The following RNF145 variants were observed in gnomAD, a reference collection of about 807,000 sequenced individuals.
The protein encoded by RNF145 is ring finger protein 145.
A neutral mutation model predicts 57.3 loss-of-function variants in RNF145; 12 were observed. The observed-to-expected ratio is 0.21, with a 90% confidence interval of 0.13 to 0.34. The LOEUF (loss-of-function observed/expected upper bound fraction) is 0.34. RNF145 is among the 10% of genes least tolerant of loss of function. The probability of loss-of-function intolerance (pLI) is 1.00; values close to 1 mark genes in which losing one functional copy is unlikely to be tolerated. For synonymous variants in RNF145, 262 were observed against 288.3 expected, an observed-to-expected ratio of 0.91 and a Z score of 0.92; for missense variants, 429 against 799.0, an observed-to-expected ratio of 0.54 and a Z score of 5.58.
chr5:159,161,742 A>G lies in RNF145; in HGVS notation c.1270-120T>C. On this transcript the variant is annotated intron_variant, in intron 9 of 10. Coordinates refer to ENST00000424310, the MANE Select transcript of RNF145 (RefSeq NM_001199383.2). ...AGGGTGCAATATTTCAAATATACAG[A>G]AGAGTATCCAGGGGAAAAAAAAGTT... 3 of 623,068 alleles carry G rather than the reference A, an allele frequency of 4.8e-6. No individual in the cohort carries two copies. In the East Asian group the frequency reaches 8.6e-5, roughly 18 times the overall value. 38.6% of individuals were successfully genotyped at this position (623,068 alleles called of 1,614,324 possible).
chr5:159,171,137 C>T (rs968715715), intron 6 of RNF145, among the ~76,000 whole-genome samples: 2 of 152,108 alleles, frequency 1.3e-5, no homozygotes, highest in Non-Finnish European at 2.9e-5. Flanking sequence ...AAAATATCCA[C>T]CAATCATGGT....
At chr5:159,193,117 G>A (rs1046122760) in intron 3 of RNF145, among the ~76,000 whole-genome samples, 7 of 152,174 alleles carry the variant, frequency 4.6e-5, no homozygotes, top group Non-Finnish European at 1.0e-4. Flanking sequence ...GGATGCTACA[G>A]GACAAGGTCT....
chr5:159,179,736 C>T lies in RNF145; in HGVS notation c.385+2224G>A, dbSNP rs1269303893. 9.2e-5 allele frequency among the ~76,000 whole-genome samples: 14 copies of T among 152,106 alleles called. No individual in the cohort carries two copies. The East Asian group carries it at 2.3e-3, about 25-fold the overall frequency. ...CGTTAATAAATATGCCAACTCATAACGATAGTCATAAAGCAACATTATTTT... is the reference window on the plus strand; with the variant it reads ...CGTTAATAAATATGCCAACTCATAATGATAGTCATAAAGCAACATTATTTT... On this transcript the variant is annotated intron_variant, in intron 4 of 10. Transcript: ENST00000424310.
At chr5:159,206,637 TC>T (rs1485866748) in intron 1 of RNF145, among the ~76,000 whole-genome samples, 1 of 152,180 alleles carries the variant, frequency 6.6e-6, no homozygotes, top group African/African-American at 2.4e-5. Context: ...TTTATCCTGT[TC>T]CAGATTTATT....
chr5:159,174,558 A>C (rs1416955784), intron 5 of RNF145, among the ~76,000 whole-genome samples: 2 of 152,192 alleles, frequency 1.3e-5, no homozygotes, highest in East Asian at 1.9e-4. Context: ...AAAAAAATGC[A>C]AAAGTAAAAA....
rs1318917917 is a variant in RNF145 at position 159,158,780 on chromosome 5, C to A, written c.1882G>T (p.Asp628Tyr). 1.2e-6 allele frequency: 2 copies of A among 1,613,840 alleles called. No homozygotes were observed. Among genetic ancestry groups the A allele is most frequent in the Non-Finnish European group, 1.7e-6 (2 of 1,179,880 alleles). ...CGTCTGGCAATGTACTCATTATTGT[C>A]CCTGGAACCTTCCTGTATCCTGGTC... ...PGTRIQEGSR[D>Y]NNEYIARRPD... The change falls in exon 11 of 11, where the codon GAC becomes TAC. Residue 628 changes from aspartate (D) to tyrosine (Y), a missense_variant. Around this residue, in one of 4 missense-constraint regions of RNF145, gnomAD observed 102 missense variants for 106.2 expected, o/e 0.96. Coordinates refer to ENST00000424310, the MANE Select transcript of RNF145 (RefSeq NM_001199383.2).
At chr5:159,203,403 G>A in intron 2 of RNF145, 31 bp downstream of exon 2, 2 of 1,442,826 alleles carry the variant, frequency 1.4e-6, no homozygotes, top group African/African-American at 1.4e-5. Context: ...ATGCTCACTA[G>A]AAGATTAGAA....
At chr5:159,196,215 T>C (rs1308046225) in intron 2 of RNF145, among the ~76,000 whole-genome samples, 1 of 145,388 alleles carries the variant, frequency 6.9e-6, no homozygotes, top group Non-Finnish European at 1.5e-5. Flanking sequence ...ATAAACTTTC[T>C]TAAAATATTA....
chr5:159,176,736 T>G lies in RNF145; in HGVS notation c.517A>C (p.Lys173Gln). The G allele has an allele frequency of 1.2e-6, 2 of 1,612,186 alleles. No individual in the cohort carries two copies. Among genetic ancestry groups the G allele is most frequent in the Non-Finnish European group, 1.7e-6 (2 of 1,178,640 alleles). The change falls in exon 5 of 11, where the codon AAA becomes CAA. Residue 173 changes from lysine to glutamine, a missense_variant. Lys to Gln is a moderately conservative substitution (Grantham distance 53). This residue lies in a region of RNF145 where 109 missense variants were observed against 207.2 expected (regional missense o/e 0.53). Coordinates refer to ENST00000424310, the MANE Select transcript of RNF145 (RefSeq NM_001199383.2). ...AATCCAGTAAAAATCATAGCAAATT[T>G]ATTGATGATAACAATTGTCTCCAAA... ...VPLETIVIIN[K>Q]FAMIFTGLEV...
intron 1 of RNF145, chr5:159,207,591 C>T (rs1261428374): frequency 3.8e-6 from 6 of 1,593,242 alleles, no homozygotes; most frequent in African/African-American, 1.4e-5. Flanking sequence ...GTAGGCCTCA[C>T]TGAAAATGTT....
chr5:159,175,259 G>A (rs1185085338), intron 5 of RNF145, among the ~76,000 whole-genome samples: 1 of 152,030 alleles, frequency 6.6e-6, no homozygotes, highest in African/African-American at 2.4e-5. Flanking sequence ...ATCATTACGA[G>A]GCAGAGAATA....
chr5:159,194,900 A>G, intron 2 of RNF145, 76 bp from the exon 3 acceptor site: 3 of 1,065,070 alleles, frequency 2.8e-6, no homozygotes, highest in Non-Finnish European at 4.1e-6. Context: ...AGAGCTTGAG[A>G]CAAATAATTT....
At chr5:159,177,137 T>C (rs935979778) in intron 4 of RNF145, among the ~76,000 whole-genome samples, 3 of 152,096 alleles carry the variant, frequency 2.0e-5, no homozygotes, top group Non-Finnish European at 2.9e-5. Context: ...CCATGTGTAA[T>C]ATGAAGAAAA....
intron 2 of RNF145, among the ~76,000 whole-genome samples, chr5:159,198,559 T>C (rs1785541860): frequency 6.6e-6 from 1 of 152,138 alleles, no homozygotes; most frequent in Non-Finnish European, 1.5e-5. Context: ...AGTGAAGATC[T>C]GATGTTTCTA....
intron 2 of RNF145, among the ~76,000 whole-genome samples, chr5:159,201,753 A>C (rs1158118832): frequency 6.6e-6 from 1 of 152,240 alleles, no homozygotes; most frequent in African/African-American, 2.4e-5. Context: ...ATACATAAAA[A>C]TATCTCTAGA....
At chr5:159,187,275 T>C (rs185701252) in intron 3 of RNF145, among the ~76,000 whole-genome samples, 40 of 150,962 alleles carry the variant, frequency 2.6e-4, no homozygotes, top group African/African-American at 8.5e-4. Context: ...AGAGCAAAAC[T>C]CCATCTCAAA....
intron 2 of RNF145, among the ~76,000 whole-genome samples, chr5:159,199,019 C>T (rs1450515054): frequency 6.6e-6 from 1 of 152,162 alleles, no homozygotes; most frequent in African/African-American, 2.4e-5. Context: ...TATTGGGCAC[C>T]AGCTAGGTGC....
chr5:159,207,758 A>C (rs1477914935), intron 1 of RNF145: 2 of 1,614,146 alleles, frequency 1.2e-6, no homozygotes, highest in Admixed American at 1.7e-5. Flanking sequence ...TATGTACCTG[A>C]TCTCCACATA....
At position 159,208,021 on chromosome 5, in the gene RNF145, C is replaced by T. The variant is rs185665460; in HGVS notation, c.-40+1210G>A. The stretch of plus-strand genomic sequence containing the variant: ...AAAAAGACACACAGTCCTCTCCTTC[C>T]CTTTCAGACTAGTTTCCTCTTTACT... On this transcript the variant is annotated intron_variant, in intron 1 of 10. Transcript: ENST00000424310. 3.9e-6 allele frequency: 6 copies of T among 1,533,436 alleles called. No homozygotes were observed. In the African/African-American group the frequency reaches 8.2e-5, roughly 21 times the overall value. The allele number at this position is 1,533,436 out of a possible 1,614,324, so 95.0% of individuals were successfully genotyped here.
Sources: allele counts gnomAD v4.1 joint callset (sites outside exome capture counted in the v4.1 genomes callset), GRCh38; gene constraint gnomAD v4.1.1; regional missense constraint gnomAD v4.1.1; transcripts MANE v1.5; gene names NCBI Gene and HGNC (gene_info 2026-07-23, HGNC 2026-07-21).